IFT122: variants seen among roughly 807,000 people sequenced by gnomAD.
IFT122 encodes the protein intraflagellar transport protein 122 homolog.
In IFT122, 118 loss-of-function variants were observed where a neutral mutation model predicts 161.6. That is an observed-to-expected ratio of 0.73 (90% CI 0.63 to 0.85). IFT122 has a LOEUF of 0.85. Ranked by LOEUF, IFT122 falls within the 40% of genes least tolerant of loss-of-function variation. IFT122 has a pLI of 0.00. For missense variants in IFT122, 1,381 were observed against 1,579.6 expected, an observed-to-expected ratio of 0.87 and a Z score of 2.13; for synonymous variants, 550 against 602.4, an observed-to-expected ratio of 0.91 and a Z score of 1.27.
At chr3:129,441,812 GTTTTAAAAAATCA>G (rs2073179375) in intron 1 of IFT122, among the ~76,000 whole-genome samples, 1 of 152,164 alleles carries the variant, frequency 6.6e-6, no homozygotes, top group Admixed American at 6.5e-5. Context: ...AGAGATTTGA[GTTTTAAAAAATCA>G]TTTTACTTTT....
chr3:129,499,963 G>A lies in IFT122; in HGVS notation c.2270G>A (p.Trp757Ter). ...TKMLITKQAD[W>*]ARNIKEPKAA... ...ATGCTAATCACCAAACAGGCTGACT[G>A]GGCCAGAAATATCAAGGAGCCCAAA... Residue 757 changes from tryptophan to a stop codon, truncating the protein, a stop_gained, in exon 19 of 30, where the codon TGG becomes TAG. Coordinates refer to ENST00000348417, the MANE Select transcript of IFT122 (RefSeq NM_052989.3). LOFTEE classifies it high-confidence loss of function. 1 of 1,614,194 alleles carries A rather than the reference G, an allele frequency of 6.2e-7. No individual in the cohort carries two copies. Among genetic ancestry groups the A allele is most frequent in the African/African-American group, 1.3e-5 (1 of 75,034 alleles).
At chr3:129,457,914 AT>A in intron 3 of IFT122, 1 of 162,934 alleles carries the variant, frequency 6.1e-6, no homozygotes. Flanking sequence ...TTGTTTTTGT[AT>A]TTTTAGTAGA....
At chr3:129,460,206 C>G (rs570163676) in intron 4 of IFT122, among the ~76,000 whole-genome samples, 2 of 152,248 alleles carry the variant, frequency 1.3e-5, no homozygotes, top group African/African-American at 4.8e-5. Context: ...CCTTCAAATA[C>G]CTACTCACCC....
intron 13 of IFT122, 71 bp downstream of exon 13, chr3:129,479,993 G>A: frequency 6.3e-7 from 1 of 1,583,148 alleles, no homozygotes; most frequent in Non-Finnish European, 8.7e-7. Context: ...GTCTAGCAAT[G>A]ACTCTGAGCT....
intron 20 of IFT122, among the ~76,000 whole-genome samples, chr3:129,503,430 G>C (rs961353439): frequency 6.6e-5 from 10 of 152,090 alleles, no homozygotes; most frequent in African/African-American, 2.2e-4. Context: ...CAGCGAGAAA[G>C]GTGGCCAGCC....
intron 16 of IFT122, among the ~76,000 whole-genome samples, chr3:129,491,060 A>G (rs1357862644): frequency 6.6e-6 from 1 of 152,060 alleles, no homozygotes; most frequent in Non-Finnish European, 1.5e-5. Context: ...TGGACCTCTG[A>G]ATTGTGGAGG....
At chr3:129,453,021 C>T (rs28442882) in intron 3 of IFT122, among the ~76,000 whole-genome samples, 1 of 152,068 alleles carries the variant, frequency 6.6e-6, no homozygotes, top group East Asian at 1.9e-4. Flanking sequence ...GTTGCCCCCC[C>T]CACTGAGATG....
Position 129,478,126 on chromosome 3 carries a change from T to C in IFT122, c.1258T>C (p.Ser420Pro). The C allele has an allele frequency of 3.7e-6, 6 of 1,614,180 alleles. No individual in the cohort carries two copies. Among genetic ancestry groups the C allele is most frequent in the Non-Finnish European group, 4.2e-6 (5 of 1,179,988 alleles). Residue 420 changes from serine (S) to proline (P), a missense_variant, in exon 12 of 30, where the codon TCA becomes CCA. Coordinates refer to ENST00000348417, the MANE Select transcript of IFT122 (RefSeq NM_052989.3). ...LIYELYSEDLSDMHYRVKEKI... is the reference protein window; with the variant it reads ...LIYELYSEDLPDMHYRVKEKI... Reference sequence around the variant, plus strand: ...CTATGAGTTGTATTCAGAGGACTTATCAGACATGCATTACCGGGTAAAGGA... The same window carrying C: ...CTATGAGTTGTATTCAGAGGACTTACCAGACATGCATTACCGGGTAAAGGA...
intron 21 of IFT122, among the ~76,000 whole-genome samples, chr3:129,504,806 A>C (rs1465297571): frequency 1.3e-4 from 20 of 152,120 alleles, no homozygotes; most frequent in Admixed American, 1.3e-3. Context: ...AGAGGTGAAG[A>C]AATTTGCCTG....
In IFT122 at chr3:129,440,238, A is replaced by G; in HGVS notation, c.-93A>G. On this transcript the variant is annotated 5_prime_UTR_variant, in exon 1 of 30. Transcript: ENST00000348417. ...TTGCCAGGGGTAACGCAGGTAGCCA[A>G]AGTGGCTTGTGGAGTGGCGACCGTT... 6.6e-7 allele frequency: 1 copy of G among 1,504,572 alleles called. No individual in the cohort carries two copies. Among genetic ancestry groups the G allele is most frequent in the Non-Finnish European group, 9.0e-7 (1 of 1,107,538 alleles). The allele number at this position is 1,504,572 out of a possible 1,614,324, so 93.2% of individuals were successfully genotyped here. A position where few individuals can be genotyped will look rare whatever the true frequency, so the allele number is the denominator to read the frequency against.
intron 14 of IFT122, among the ~76,000 whole-genome samples, chr3:129,482,663 G>C (rs923412918): frequency 6.6e-6 from 1 of 152,180 alleles, no homozygotes; most frequent in African/African-American, 2.4e-5. Context: ...TGGTTTCGGG[G>C]AAAGAGAGGG....
chr3:129,459,243 A>C (rs1044757393), intron 4 of IFT122: 1 of 450,942 alleles, frequency 2.2e-6, no homozygotes, highest in Non-Finnish European at 4.4e-6. Context: ...AGTATTGCTC[A>C]TCGGCCTGTA....
intron 3 of IFT122, chr3:129,456,155 G>C (rs1434592775): frequency 1.2e-6 from 1 of 860,536 alleles, no homozygotes; most frequent in Admixed American, 2.3e-5. Context: ...TCATGCAGCT[G>C]GTCAGTGAGA....
At position 129,514,536 on chromosome 3, in the gene IFT122, G is replaced by A. The variant is rs1483128772; in HGVS notation, c.3135G>A (p.Lys1045=). Residue 1045 remains lysine (K), a synonymous_variant, in exon 25 of 30, where the codon AAG becomes AAA. Transcript: ENST00000348417. ...TGGGTACCCTGACCATCCGCGCCAA[G>A]CCCTTCCACGACAGTGAGGTGAGGA... is the stretch of plus-strand genomic sequence containing the variant. ...IELGTLTIRA[K]PFHDSEELVP... is the part of the protein sequence containing the mutation. 2 of 1,614,240 alleles carry A rather than the reference G, an allele frequency of 1.2e-6. No homozygotes were observed. The highest frequency in any genetic ancestry group is 3.3e-5 in the Admixed American group (2 of 60,024).
chr3:129,458,468 G>T, intron 3 of IFT122, 131 bp from the exon 4 acceptor site: 1 of 788,836 alleles, frequency 1.3e-6, no homozygotes. Flanking sequence ...CTGCCTCCCA[G>T]TACTGATAAG....
chr3:129,447,237 G>A (rs902480412), intron 1 of IFT122, among the ~76,000 whole-genome samples: 1 of 152,184 alleles, frequency 6.6e-6, no homozygotes, highest in African/African-American at 2.4e-5. Flanking sequence ...TGTGCCCACG[G>A]TGGTTGGGGT....
chr3:129,476,637 G>A (rs199499056), intron 10 of IFT122, 26 bp from the exon 11 acceptor site: 9 of 1,614,200 alleles, frequency 5.6e-6, no homozygotes, highest in East Asian at 4.5e-5. Context: ...AGAGAGCTGG[G>A]AATTGACAGT....
chr3:129,517,268 GCA>G (rs777108020), intron 26 of IFT122, among the ~76,000 whole-genome samples, 199 bp from the exon 27 acceptor site: 5,261 of 116,566 alleles, frequency 0.045, 124 homozygotes, highest in African/African-American at 0.088. Context: ...CATTGCTCCT[GCA>G]CACACACACA....
chr3:129,505,004 A>G (rs929248430), intron 21 of IFT122, among the ~76,000 whole-genome samples: 1 of 152,232 alleles, frequency 6.6e-6, no homozygotes, highest in East Asian at 1.9e-4. Context: ...TGGGCTGCAC[A>G]CAGCGTACAA....
Sources: allele counts gnomAD v4.1 joint callset (sites outside exome capture counted in the v4.1 genomes callset), GRCh38; gene constraint gnomAD v4.1.1; transcripts MANE v1.5; gene names NCBI Gene and HGNC (gene_info 2026-07-23, HGNC 2026-07-21).